The following IRF4 variants were observed in gnomAD, a reference collection of about 807,000 sequenced individuals.
IRF4 encodes lymphocyte-specific interferon regulatory factor.
IRF4 carries 13 observed loss-of-function variants against 55.5 expected under a neutral mutation model. The ratio of observed to expected loss-of-function variants is 0.23; its 90% CI spans 0.15 to 0.37. IRF4 has a LOEUF of 0.37. Among genes scored for constraint, IRF4 ranks in the 10% least tolerant of loss-of-function variants. The pLI, the probability that IRF4 is intolerant of heterozygous loss-of-function variation, is 1.00. For synonymous variants in IRF4, 249 were observed against 240.7 expected (o/e 1.03, Z -0.32); for missense variants, 397 against 593.8 (o/e 0.67, Z 3.44).
chr6:407,712 C>T lies in IRF4; in HGVS notation c.*114C>T, dbSNP rs1581232742. ...GGAGTGCAGTGACACAATCTCAGCTCACTGTGACCTCCGCCTCCTGGGTTC... is the reference window on the plus strand; with the variant it reads ...GGAGTGCAGTGACACAATCTCAGCTTACTGTGACCTCCGCCTCCTGGGTTC... On this transcript the variant is annotated 3_prime_UTR_variant, in exon 9 of 9. Transcript: ENST00000380956. The T allele has an allele frequency of 1.0e-6, 1 of 963,102 alleles. No homozygotes were observed. The highest frequency in any genetic ancestry group is 2.7e-5 in the East Asian group (1 of 37,732). 59.7% of individuals were successfully genotyped at this position (963,102 alleles called of 1,614,324 possible).
At chr6:405,176 G>A (rs76014106) in intron 8 of IRF4, 46 bp downstream of exon 8, 2 of 1,027,658 alleles carry the variant, frequency 1.9e-6, no homozygotes, top group South Asian at 2.6e-5. Context: ...CCTGTTCTTT[G>A]TAAAGGCCAG....
At chr6:394,438 C>G (rs1187230079) in intron 2 of IRF4, among the ~76,000 whole-genome samples, 1 of 152,206 alleles carries the variant, frequency 6.6e-6, no homozygotes, top group Non-Finnish European at 1.5e-5. Flanking sequence ...GCCATTCTTT[C>G]TTTTAGAAAT....
rs1761507632 is a variant in IRF4, at chr6:405,002, T to G, written c.1100-16T>G. ...AGGGTTTCTGAACATGGTCTCTTTC[T>G]TGTGGGCTTCTACAGAGCTGCAAGC... On this transcript the variant is annotated splice_polypyrimidine_tract_variant and intron_variant, in intron 7 of 8. Transcript: ENST00000380956. The G allele has an allele frequency of 5.8e-6, 9 of 1,542,780 alleles. No homozygotes were observed. Among genetic ancestry groups the G allele is most frequent in the Non-Finnish European group, 8.1e-6 (9 of 1,115,128 alleles).
At position 394,932 on chromosome 6, in the gene IRF4, C is replaced by A. The variant is rs374588785; in HGVS notation, c.328C>A (p.Leu110Met). The A allele has an allele frequency of 3.6e-5, 58 of 1,614,106 alleles. No homozygotes were observed. The highest frequency in any genetic ancestry group is 4.6e-5 in the Non-Finnish European group (54 of 1,180,038). Residue 110 changes from leucine (L) to methionine (M), a missense_variant, in exon 3 of 9, where the codon CTG becomes ATG. By Grantham distance (15) the Leu-to-Met change is conservative. Coordinates refer to ENST00000380956, the MANE Select transcript of IRF4 (RefSeq NM_002460.4). ...ALNKSNDFEE[L>M]VERSQLDISD... ...GAACAAGAGCAATGACTTTGAGGAA[C>A]TGGTTGAGCGGAGCCAGCTGGACAT... is the stretch of plus-strand genomic sequence containing the variant.
chr6:400,995 A>G (rs1405414375), intron 6 of IRF4, among the ~76,000 whole-genome samples: 2 of 150,152 alleles, frequency 1.3e-5, no homozygotes, highest in African/African-American at 4.8e-5. Flanking sequence ...TCAGTGACAC[A>G]TGACTTAAAT....
Position 394,859 on chromosome 6 carries a change from C to T in IRF4, c.255C>T (p.Ile85=), listed in dbSNP as rs1454761481. Reference sequence around the variant, plus strand: ...TTAAAGGAAAGTTCCGAGAAGGCATCGACAAGCCGGACCCTCCCACCTGGA... The same window carrying T: ...TTAAAGGAAAGTTCCGAGAAGGCATTGACAAGCCGGACCCTCCCACCTGGA... ...ALFKGKFREG[I]DKPDPPTWKT... is the part of the protein sequence containing the mutation. The change falls in exon 3 of 9, where the codon ATC becomes ATT. Residue 85 remains isoleucine (I), a synonymous_variant. Transcript: ENST00000380956. 7 of 1,614,140 alleles carry T rather than the reference C, an allele frequency of 4.3e-6. No individual in the cohort carries two copies. The highest frequency in any genetic ancestry group is 5.9e-6 in the Non-Finnish European group (7 of 1,180,004).
At chr6:406,765 G>T (rs1199082572) in intron 8 of IRF4, 4 of 1,179,150 alleles carry the variant, frequency 3.4e-6, no homozygotes, top group Non-Finnish European at 4.4e-6. Flanking sequence ...ATTCATTTCA[G>T]GTACTTAGGA....
At chr6:402,491 C>T in intron 7 of IRF4, among the ~76,000 whole-genome samples, 1 of 152,276 alleles carries the variant, frequency 6.6e-6, no homozygotes, top group African/African-American at 2.4e-5. Context: ...GCCAACTCTT[C>T]CTCTGCCTTT....
chr6:401,647 G>T lies in IRF4; in HGVS notation c.969G>T (p.Gly323=). Residue 323 remains glycine, a synonymous_variant, in exon 7 of 9, where the codon GGG becomes GGT. Transcript: ENST00000380956. ...TGGTCCTCTGGATGGCCCCCGACGGGCTCTATGCGAAAAGACTGTGCCAGA... is the reference window on the plus strand; with the variant it reads ...TGGTCCTCTGGATGGCCCCCGACGGTCTCTATGCGAAAAGACTGTGCCAGA... The part of the protein sequence containing the change: ...RGVVLWMAPD[G]LYAKRLCQSR... The T allele has an allele frequency of 6.2e-7, 1 of 1,614,200 alleles. No individual in the cohort carries two copies. Among genetic ancestry groups the T allele is most frequent in the Non-Finnish European group, 8.5e-7 (1 of 1,180,048 alleles).
rs1219193182 is a variant in IRF4, at chr6:391,807, G to C, written c.-58G>C. The C allele has an allele frequency of 4.4e-6, 2 of 456,160 alleles. No homozygotes were observed. Among genetic ancestry groups the C allele is most frequent in the Non-Finnish European group, 8.8e-6 (2 of 226,934 alleles). The allele number at this position is 456,160 out of a possible 1,614,324, so 28.3% of individuals were successfully genotyped here. On this transcript the variant is annotated splice_region_variant and 5_prime_UTR_variant, in exon 1 of 9. Transcript: ENST00000380956. ...CTGCCCTCAGCTCCGAGTCCAGGGC[G>C]AGGTAAGGGCTGGAGTCGGGCAGGA... is the stretch of plus-strand genomic sequence containing the variant.
At chr6:402,077 T>C (rs1317258558) in intron 7 of IRF4, among the ~76,000 whole-genome samples, 1 of 152,182 alleles carries the variant, frequency 6.6e-6, no homozygotes, top group Non-Finnish European at 1.5e-5. Context: ...GACAAATACG[T>C]CTGCTGATGT....
chr6:407,068 C>A (rs1339041019), intron 8 of IRF4, among the ~76,000 whole-genome samples: 2 of 152,330 alleles, frequency 1.3e-5, no homozygotes, highest in Middle Eastern at 3.4e-3. Context: ...GGATGAGCTC[C>A]TTGTTTCTTT....
chr6:401,617 G>A lies in IRF4; in HGVS notation c.939G>A (p.Arg313=), dbSNP rs2127440080. 1.2e-6 allele frequency: 2 copies of A among 1,614,168 alleles called. No individual in the cohort carries two copies. Among genetic ancestry groups the A allele is most frequent in the Middle Eastern group, 1.7e-4 (1 of 6,060 alleles). ...AGAAGCTGCTGAGCCACCTGGAGAGGGGCGTGGTCCTCTGGATGGCCCCCG... is the reference window on the plus strand; with the variant it reads ...AGAAGCTGCTGAGCCACCTGGAGAGAGGCGTGGTCCTCTGGATGGCCCCCG... ...NIEKLLSHLE[R]GVVLWMAPDG... is the part of the protein sequence containing the mutation. Residue 313 remains arginine, a synonymous_variant, in exon 7 of 9, where the codon AGG becomes AGA. Transcript: ENST00000380956.
chr6:403,450 C>T (rs922156441), intron 7 of IRF4, among the ~76,000 whole-genome samples: 1 of 152,246 alleles, frequency 6.6e-6, no homozygotes, highest in Non-Finnish European at 1.5e-5. Flanking sequence ...CTGGCACTGG[C>T]TTTTCTGAGT....
Position 406,170 on chromosome 6 carries a change from G to A in IRF4, c.1212+1040G>A, listed in dbSNP as rs564432770. On this transcript the variant is annotated intron_variant, in intron 8 of 8. Transcript: ENST00000380956. ...TGACTTAATAATTGATATGATTGTT[G>A]AAATAATAACTGATACATTGTTAAC... Among the ~76,000 whole-genome samples the A allele has an allele frequency of 7.2e-5, 11 of 152,300 alleles. No homozygotes were observed. The South Asian group carries it at 2.3e-3, about 32-fold the overall frequency.
intron 5 of IRF4, among the ~76,000 whole-genome samples, chr6:398,395 A>G (rs1400585035): frequency 6.6e-6 from 1 of 152,220 alleles, no homozygotes; most frequent in Non-Finnish European, 1.5e-5. Flanking sequence ...TGTTCTCCCA[A>G]CCCACAAGAG....
Position 409,299 on chromosome 6 carries a change from A to G in IRF4, c.*1701A>G, listed in dbSNP as rs1426342849. On this transcript the variant is annotated 3_prime_UTR_variant, in exon 9 of 9. Transcript: ENST00000380956. ...AATACAATTAATATTAATATTAACT[A>G]CAGAAAAGACAAACAGTAGAGAACA... The G allele has an allele frequency of 1.0e-5, 2 of 191,624 alleles. No individual in the cohort carries two copies. The highest frequency in any genetic ancestry group is 2.2e-5 in the Non-Finnish European group (2 of 91,472). 11.9% of individuals were successfully genotyped at this position (191,624 alleles called of 1,614,324 possible).
At position 408,016 on chromosome 6, in the gene IRF4, A is replaced by C; in HGVS notation, c.*418A>C. 1 of 270,744 alleles carries C rather than the reference A, an allele frequency of 3.7e-6. No homozygotes were observed. The highest frequency in any genetic ancestry group is 7.0e-6 in the Non-Finnish European group (1 of 142,894). 16.8% of individuals were successfully genotyped at this position (270,744 alleles called of 1,614,324 possible). On this transcript the variant is annotated 3_prime_UTR_variant, in exon 9 of 9. Transcript: ENST00000380956. ...GCTTTGCATTTCTTGTGTTCTGTAGACTGCCATCATTGATGATCACTGTGA... is the reference window on the plus strand; with the variant it reads ...GCTTTGCATTTCTTGTGTTCTGTAGCCTGCCATCATTGATGATCACTGTGA...
intron 5 of IRF4, 59 bp downstream of exon 5, chr6:397,311 A>C: frequency 6.3e-7 from 1 of 1,592,388 alleles, no homozygotes; most frequent in Non-Finnish European, 8.6e-7. Context: ...GCCATGGGCC[A>C]TGGCGAATCC....
Sources: gnomAD v4.1 joint callset for allele counts (sites outside exome capture counted in the v4.1 genomes callset) on GRCh38, gnomAD v4.1.1 for gene constraint, MANE v1.5 for transcripts, NCBI Gene and HGNC (gene_info 2026-07-23, HGNC 2026-07-21) for gene names.